FAM168A: variants seen among roughly 807,000 people sequenced by gnomAD.
FAM168A encodes protein FAM168A.
Under a neutral mutation model 28.5 loss-of-function variants are expected in FAM168A, and 3 were observed. The ratio of observed to expected loss-of-function variants is 0.11; its 90% CI spans 0.05 to 0.27. The LOEUF (loss-of-function observed/expected upper bound fraction) is 0.27. FAM168A is among the 10% of genes least tolerant of loss of function. The pLI is 1.00. For missense variants in FAM168A, 222 were observed against 311.5 expected (o/e 0.71, Z 2.16); for synonymous variants, 122 against 124.2 (o/e 0.98, Z 0.12).
At chr11:73,454,553 C>T (rs1268032512) in intron 2 of FAM168A, among the ~76,000 whole-genome samples, 5 of 152,166 alleles carry the variant, frequency 3.3e-5, no homozygotes, top group Non-Finnish European at 5.9e-5. Flanking sequence ...AGGCCCCTGG[C>T]GAAACCCCAC....
chr11:73,515,107 C>T (rs1471651222), intron 1 of FAM168A, among the ~76,000 whole-genome samples: 1 of 152,118 alleles, frequency 6.6e-6, no homozygotes, highest in Non-Finnish European at 1.5e-5. Context: ...TTGTTCTGCC[C>T]CAAAATAGCT....
In FAM168A at chr11:73,581,597, T is replaced by C. The variant is rs1394842858; in HGVS notation, c.-19+16326A>G. Among the ~76,000 whole-genome samples the C allele has an allele frequency of 3.3e-5, 5 of 152,222 alleles. No individual in the cohort carries two copies. In the East Asian group the frequency reaches 9.6e-4, roughly 29 times the overall value. On this transcript the variant is annotated intron_variant, in intron 1 of 7. Transcript: ENST00000356467. Reference sequence around the variant, plus strand: ...TCCAGAATTGTCCACACATAAGACCTAGTCTTCTTTCAAAAATAAGCTCAG... The same window carrying C: ...TCCAGAATTGTCCACACATAAGACCCAGTCTTCTTTCAAAAATAAGCTCAG...
rs1866413288 is a variant in FAM168A, at chr11:73,401,634, T to A, written c.*5129A>T. On this transcript the variant is annotated 3_prime_UTR_variant, in exon 8 of 8. Coordinates refer to ENST00000356467, the MANE Select transcript of FAM168A (RefSeq NM_015159.3). ...GGAAAATCCCCCTGCTATCAGTGGC[T>A]GGAATGGGTAGAGGACCTCTACCAC... 6.6e-6 allele frequency: 1 copy of A among 152,234 alleles called. No individual in the cohort carries two copies. The highest frequency in any genetic ancestry group is 1.5e-5 in the Non-Finnish European group (1 of 68,060). The allele number at this position is 152,234 out of a possible 1,614,324, so 9.4% of individuals were successfully genotyped here.
intron 2 of FAM168A, among the ~76,000 whole-genome samples, chr11:73,451,683 A>C (rs1253174855): frequency 6.6e-6 from 1 of 152,272 alleles, no homozygotes; most frequent in African/African-American, 2.4e-5. Context: ...CAGTGCAGTA[A>C]CATGCTGTAC....
chr11:73,570,153 T>C (rs991864125), intron 1 of FAM168A, among the ~76,000 whole-genome samples: 1 of 152,226 alleles, frequency 6.6e-6, no homozygotes, highest in African/African-American at 2.4e-5. Context: ...GTTAAGTACA[T>C]AGCTCTGAAA....
At chr11:73,508,379 T>C (rs1855156290) in intron 1 of FAM168A, among the ~76,000 whole-genome samples, 1 of 152,174 alleles carries the variant, frequency 6.6e-6, no homozygotes, top group African/African-American at 2.4e-5. Flanking sequence ...CTCTTTTGCA[T>C]TTCTAGCCTC....
intron 2 of FAM168A, among the ~76,000 whole-genome samples, chr11:73,440,535 T>C (rs1867174977): frequency 6.6e-6 from 1 of 151,804 alleles, no homozygotes; most frequent in Non-Finnish European, 1.5e-5. Flanking sequence ...GAGACTGAGG[T>C]GGGAGGATCA....
chr11:73,542,561 T>C (rs1943671109), intron 1 of FAM168A, among the ~76,000 whole-genome samples: 1 of 152,218 alleles, frequency 6.6e-6, no homozygotes, highest in Admixed American at 6.5e-5. Context: ...AGCCCCTGCT[T>C]CTATCCTTGC....
rs757070011 is a variant in FAM168A at position 73,409,701 on chromosome 11, G to C, written c.421-40C>G. ...CTGAGGTCACATAGGCATTTGGAGAGGTAGGTGGGATATGGAGAGAGCAGC... is the reference window on the plus strand; with the variant it reads ...CTGAGGTCACATAGGCATTTGGAGACGTAGGTGGGATATGGAGAGAGCAGC... On this transcript the variant is annotated intron_variant, in intron 5 of 7. Coordinates refer to ENST00000356467, the MANE Select transcript of FAM168A (RefSeq NM_015159.3). The C allele has an allele frequency of 3.8e-6, 6 of 1,565,628 alleles. No individual in the cohort carries two copies. In the Admixed American group the frequency reaches 1.1e-4, roughly 29 times the overall value.
intron 1 of FAM168A, among the ~76,000 whole-genome samples, chr11:73,484,681 G>A (rs903134661): frequency 5.4e-5 from 7 of 128,850 alleles, no homozygotes; most frequent in Non-Finnish European, 8.5e-5. Context: ...GATATGTATC[G>A]CTATAGATAT....
At chr11:73,595,038 G>C (rs2134752609) in intron 1 of FAM168A, among the ~76,000 whole-genome samples, 1 of 152,134 alleles carries the variant, frequency 6.6e-6, no homozygotes, top group Non-Finnish European at 1.5e-5. Flanking sequence ...TACTACACAG[G>C]TAACCACGGC....
chr11:73,401,110 A>G lies in FAM168A; in HGVS notation c.*5653T>C, dbSNP rs928190605. The G allele has an allele frequency of 1.4e-4, 21 of 148,006 alleles. No individual in the cohort carries two copies. The East Asian group carries it at 3.9e-3, about 27-fold the overall frequency. The allele number at this position is 148,006 out of a possible 1,614,324, so 9.2% of individuals were successfully genotyped here. On this transcript the variant is annotated 3_prime_UTR_variant, in exon 8 of 8. Transcript: ENST00000356467. Reference sequence around the variant, plus strand: ...TATTATTATTATTATTATTATTATTATTTTAAATTTTATTTCTTTTTAAAA... The same window carrying G: ...TATTATTATTATTATTATTATTATTGTTTTAAATTTTATTTCTTTTTAAAA...
intron 1 of FAM168A, among the ~76,000 whole-genome samples, chr11:73,571,647 C>A (rs1944091531): frequency 6.6e-6 from 1 of 152,192 alleles, no homozygotes; most frequent in Non-Finnish European, 1.5e-5. Context: ...GCAGAGATTG[C>A]AGCCTCTGCC....
At chr11:73,556,390 C>T (rs1156516181) in intron 1 of FAM168A, among the ~76,000 whole-genome samples, 2 of 150,280 alleles carry the variant, frequency 1.3e-5, no homozygotes, top group Non-Finnish European at 3.0e-5. Flanking sequence ...CCCTCCATCC[C>T]ACCACTAGCA....
intron 1 of FAM168A, among the ~76,000 whole-genome samples, chr11:73,505,120 T>C (rs932542064): frequency 2.0e-5 from 3 of 152,124 alleles, no homozygotes; most frequent in African/African-American, 7.2e-5. Context: ...TATCCCATTT[T>C]TTTTTTAGAA....
intron 1 of FAM168A, among the ~76,000 whole-genome samples, chr11:73,564,989 A>G (rs1393835688): frequency 1.3e-5 from 2 of 152,146 alleles, no homozygotes; most frequent in African/African-American, 4.8e-5. Flanking sequence ...TATAGCATCA[A>G]AGTTTCCTGA....
chr11:73,487,904 C>T (rs1386402508), intron 1 of FAM168A, among the ~76,000 whole-genome samples: 1 of 152,092 alleles, frequency 6.6e-6, no homozygotes, highest in Non-Finnish European at 1.5e-5. Context: ...TCTCTCCTAA[C>T]CCTGGCTATC....
chr11:73,544,322 C>T (rs1221146583), intron 1 of FAM168A, among the ~76,000 whole-genome samples: 1 of 152,034 alleles, frequency 6.6e-6, no homozygotes, highest in South Asian at 2.1e-4. Flanking sequence ...AACCTTCATA[C>T]ACTGTTGGTA....
chr11:73,594,924 C>T (rs1944427075), intron 1 of FAM168A, among the ~76,000 whole-genome samples: 1 of 152,160 alleles, frequency 6.6e-6, no homozygotes, highest in Non-Finnish European at 1.5e-5. Context: ...AACTCATGGG[C>T]TATTCGTTCC....
Sources: allele counts gnomAD v4.1 joint callset (sites outside exome capture counted in the v4.1 genomes callset), GRCh38; gene constraint gnomAD v4.1.1; transcripts MANE v1.5; gene names NCBI Gene and HGNC (gene_info 2026-07-23, HGNC 2026-07-21).